The following CDH13 variants were observed in gnomAD, a reference collection of about 807,000 sequenced individuals.
CDH13 encodes the protein cadherin-13.
Under a neutral mutation model 63.8 loss-of-function variants are expected in CDH13, and 24 were observed. That is an observed-to-expected ratio of 0.38 (90% confidence interval 0.27 to 0.53). The LOEUF is 0.53. CDH13 is among the 20% of genes least tolerant of loss of function. CDH13 has a pLI of 0.85. For synonymous variants in CDH13, 503 were observed against 355.3 expected (o/e 1.42, Z -4.67); for missense variants, 1,049 against 903.1 (o/e 1.16, Z -2.07).
intron 2 of CDH13, among the ~76,000 whole-genome samples, chr16:82,988,921 A>G (rs1036451962): frequency 2.0e-5 from 3 of 152,162 alleles, no homozygotes; most frequent in Non-Finnish European, 4.4e-5. Context: ...GTGAGACTCT[A>G]CGTTCCTTGA....
At chr16:83,608,068 TA>T (rs879426396) in intron 8 of CDH13, among the ~76,000 whole-genome samples, 2 of 151,970 alleles carry the variant, frequency 1.3e-5, no homozygotes, top group Admixed American at 6.6e-5. Context: ...TTATAAAATT[TA>T]AAAAAAACAG....
chr16:83,588,227 C>G (rs992463589), intron 7 of CDH13, among the ~76,000 whole-genome samples: 3 of 152,242 alleles, frequency 2.0e-5, no homozygotes, highest in Non-Finnish European at 4.4e-5. Context: ...GCCTCATCAC[C>G]CTGCCACGCC....
At chr16:82,683,763 G>A (rs1326352204) in intron 1 of CDH13, among the ~76,000 whole-genome samples, 2 of 152,190 alleles carry the variant, frequency 1.3e-5, no homozygotes, top group African/African-American at 2.4e-5. Flanking sequence ...GGGAGAAAAT[G>A]AGACTCAAGC....
At chr16:83,479,132 C>T (rs1390369639) in intron 6 of CDH13, among the ~76,000 whole-genome samples, 3 of 152,200 alleles carry the variant, frequency 2.0e-5, no homozygotes, top group African/African-American at 7.2e-5. Context: ...GAAGCGGATG[C>T]ATGCATATGT....
chr16:82,992,733 C>T (rs1911794248), intron 2 of CDH13, among the ~76,000 whole-genome samples: 1 of 152,154 alleles, frequency 6.6e-6, no homozygotes, highest in East Asian at 1.9e-4. Context: ...TTCTTGGCAT[C>T]AAGCAGATTA....
intron 3 of CDH13, among the ~76,000 whole-genome samples, chr16:83,116,497 C>T (rs997491991): frequency 6.6e-6 from 1 of 152,210 alleles, no homozygotes; most frequent in African/African-American, 2.4e-5. Context: ...GCAGCCCCTT[C>T]TGTTTAGTCT....
At position 83,050,381 on chromosome 16, in the gene CDH13, C is replaced by T. The variant is rs1010608659; in HGVS notation, c.366+18163C>T. On this transcript the variant is annotated intron_variant, in intron 3 of 13. Transcript: ENST00000567109. The stretch of plus-strand genomic sequence containing the variant: ...TGAGAAGTCACCCAACTGTCTTCTA[C>T]AGCAGCTGAACCACTTTAATTCCCA... Among the ~76,000 whole-genome samples the T allele has an allele frequency of 2.6e-5, 4 of 152,190 alleles. No homozygotes were observed. In the East Asian group the frequency reaches 5.8e-4, roughly 22 times the overall value.
At chr16:83,224,842 TAGTA>T (rs2039795944) in intron 5 of CDH13, among the ~76,000 whole-genome samples, 1 of 152,222 alleles carries the variant, frequency 6.6e-6, no homozygotes, top group Non-Finnish European at 1.5e-5. Flanking sequence ...CCCAGTCACT[TAGTA>T]AGTGTTCCGG....
At chr16:83,388,053 C>T (rs2091709636) in intron 6 of CDH13, among the ~76,000 whole-genome samples, 1 of 152,096 alleles carries the variant, frequency 6.6e-6, no homozygotes, top group South Asian at 2.1e-4. Context: ...GACATGACAC[C>T]TACTCTGACA....
intron 6 of CDH13, among the ~76,000 whole-genome samples, chr16:83,390,982 C>G (rs1261443287): frequency 6.6e-6 from 1 of 152,078 alleles, no homozygotes; most frequent in African/African-American, 2.4e-5. Context: ...CTTGTCTTAG[C>G]TTTCAGAGGA....
At chr16:83,621,201 C>T (rs7196669) in intron 8 of CDH13, among the ~76,000 whole-genome samples, 21,632 of 152,148 alleles carry the variant, frequency 0.14, 1,644 homozygotes, top group African/African-American at 0.2. Context: ...TAGCAATTTA[C>T]CAGTCCAGTG....
intron 10 of CDH13, among the ~76,000 whole-genome samples, chr16:83,742,578 A>G (rs907742578): frequency 6.6e-6 from 1 of 152,236 alleles, no homozygotes; most frequent in Non-Finnish European, 1.5e-5. Context: ...TATTAAAAAG[A>G]CAGCTTTGAA....
intron 3 of CDH13, among the ~76,000 whole-genome samples, chr16:83,070,462 G>A (rs545111639): frequency 5.9e-5 from 9 of 152,158 alleles, no homozygotes; most frequent in Middle Eastern, 3.4e-3. Flanking sequence ...CAACTTGCAC[G>A]GAAATGAGTG....
At position 82,867,598 on chromosome 16, in the gene CDH13, A is replaced by G. The variant is rs146902248; in HGVS notation, c.157+9125A>G. 6.4e-4 allele frequency among the ~76,000 whole-genome samples: 97 copies of G among 152,284 alleles called. 1 individual carries two copies. Among genetic ancestry groups the G allele is most frequent in the South Asian group, 4.4e-3 (21 of 4,822 alleles). On this transcript the variant is annotated intron_variant, in intron 2 of 13. Transcript: ENST00000567109. ...CCAGGTCCTCCATGGAGTGTGTGGA[A>G]TCACATTAATCATATTTGTACTTAA...
intron 4 of CDH13, chr16:83,180,986 G>A (rs1467784775): frequency 6.5e-7 from 1 of 1,528,576 alleles, no homozygotes; most frequent in South Asian, 1.2e-5. Context: ...CGACATTATT[G>A]CTTTAAAGGA....
intron 11 of CDH13, among the ~76,000 whole-genome samples, chr16:83,776,964 A>ACATCT (rs1915157855): frequency 6.6e-6 from 1 of 152,042 alleles, no homozygotes; most frequent in Admixed American, 6.6e-5. Flanking sequence ...CAAGCTGCAC[A>ACATCT]GGTGCATTGA....
At chr16:83,185,314 T>A (rs2038485857) in intron 4 of CDH13, among the ~76,000 whole-genome samples, 1 of 152,120 alleles carries the variant, frequency 6.6e-6, no homozygotes, top group African/African-American at 2.4e-5. Flanking sequence ...CTCCAAAGAT[T>A]TTTGCTATGA....
At chr16:83,090,407 C>T in intron 3 of CDH13, among the ~76,000 whole-genome samples, 1 of 151,956 alleles carries the variant, frequency 6.6e-6, no homozygotes, top group East Asian at 1.9e-4. Flanking sequence ...GACCCTGTCT[C>T]TACTAAAAAT....
intron 2 of CDH13, among the ~76,000 whole-genome samples, chr16:82,870,220 A>T (rs2040295626): frequency 6.6e-6 from 1 of 152,174 alleles, no homozygotes. Context: ...AAAATGTCCA[A>T]CCTCACTAAT....
Sources: allele counts gnomAD v4.1 joint callset (sites outside exome capture counted in the v4.1 genomes callset), GRCh38; gene constraint gnomAD v4.1.1; transcripts MANE v1.5; gene names NCBI Gene and HGNC (gene_info 2026-07-23, HGNC 2026-07-21).